The following CHAD variants were observed in gnomAD, a reference collection of about 807,000 sequenced individuals.
CHAD encodes cartilage leucine-rich protein.
CHAD carries 18 observed loss-of-function variants against 24.0 expected under a neutral mutation model. That is an observed-to-expected ratio of 0.75 (90% confidence interval 0.52 to 1.11). The LOEUF (loss-of-function observed/expected upper bound fraction) is 1.11, where lower values mean the gene tolerates loss of function less well. Among genes scored for constraint, CHAD ranks in the 50% most tolerant of loss-of-function variants. The pLI is 0.00. For missense variants in CHAD, 440 were observed against 467.2 expected (o/e 0.94, Z 0.54); for synonymous variants, 195 against 211.6 (o/e 0.92, Z 0.68).
In CHAD at chr17:50,464,732, C is replaced by G. The variant is rs1447191184; in HGVS notation, c.*322G>C. 1 of 377,026 alleles carries G rather than the reference C, an allele frequency of 2.7e-6. No homozygotes were observed. The highest frequency in any genetic ancestry group is 5.2e-6 in the Non-Finnish European group (1 of 190,792). The allele number at this position is 377,026 out of a possible 1,614,324, so 23.4% of individuals were successfully genotyped here. ...GGAAGGATGATCCTGGGAGGGTGGC[C>G]ATCCTGATGACCAACCTGTTGTGGT... On this transcript the variant is annotated 3_prime_UTR_variant, in exon 4 of 4. Transcript: ENST00000508540.
intron 1 of CHAD, among the ~76,000 whole-genome samples, chr17:50,466,288 A>G (rs764185112): frequency 1.3e-5 from 2 of 151,812 alleles, no homozygotes; most frequent in African/African-American, 2.4e-5. Context: ...ACGCAGTTTC[A>G]CCATGTTAGC....
chr17:50,466,014 C>T (rs1226926114), intron 1 of CHAD, 144 bp from the exon 2 acceptor site: 3 of 726,512 alleles, frequency 4.1e-6, no homozygotes, highest in Admixed American at 2.4e-5. Context: ...GCAGTATGAC[C>T]AAGTGATCTC....
chr17:50,466,571 A>G (rs1264132055), intron 1 of CHAD, among the ~76,000 whole-genome samples: 1 of 152,098 alleles, frequency 6.6e-6, no homozygotes, highest in Non-Finnish European at 1.5e-5. Flanking sequence ...AGCAATCCAA[A>G]CTGGTACACG....
Position 50,465,693 on chromosome 17 carries a change from G to C in CHAD, c.938+14C>G, listed in dbSNP as rs567121082. 5 of 1,613,106 alleles carry C rather than the reference G, an allele frequency of 3.1e-6. No individual in the cohort carries two copies. In the South Asian group the frequency reaches 5.5e-5, roughly 18 times the overall value. On this transcript the variant is annotated intron_variant, in intron 2 of 3. Coordinates refer to ENST00000508540, the MANE Select transcript of CHAD (RefSeq NM_001267.3). ...TGAGGGTGGGCTCTGGGAGTGACAT[G>C]GAAGTGTTCTTACCGCCGAAGGCCC...
intron 3 of CHAD, 81 bp downstream of exon 3, chr17:50,465,213 A>C: frequency 6.4e-7 from 1 of 1,550,594 alleles, no homozygotes; most frequent in Non-Finnish European, 8.8e-7. Context: ...CTCCAGGGCC[A>C]GGGGGTATCC....
chr17:50,467,412 CG>C (rs1210754687), intron 1 of CHAD, among the ~76,000 whole-genome samples: 1 of 152,220 alleles, frequency 6.6e-6, no homozygotes, highest in Non-Finnish European at 1.5e-5. Flanking sequence ...CTTGGTCCCA[CG>C]CCTACTGAGC....
intron 1 of CHAD, among the ~76,000 whole-genome samples, chr17:50,467,367 G>A (rs1228745976): frequency 1.3e-5 from 2 of 152,232 alleles, no homozygotes; most frequent in African/African-American, 2.4e-5. Context: ...CCTTCACGGA[G>A]CCCATGGGCA....
Position 50,468,269 on chromosome 17 carries a change from G to GCGTTTTC in CHAD, c.538_544dup (p.Ala182GlyfsTer121). The GCGTTTTC allele has an allele frequency of 6.2e-7, 1 of 1,611,254 alleles. No homozygotes were observed. The highest frequency in any genetic ancestry group is 8.5e-7 in the Non-Finnish European group (1 of 1,177,666). ...GGCCCCGGGCTGCAGGGAGCTCAAC[G>GCGTTTTC]CGTTTTCCGACAGGTAGAGCCAGCG... On this transcript the variant is annotated frameshift_variant, in exon 1 of 4. Coordinates refer to ENST00000508540, the MANE Select transcript of CHAD (RefSeq NM_001267.3). LOFTEE classifies it high-confidence loss of function.
rs370894882 is a variant in CHAD at position 50,465,365 on chromosome 17, C to T, written c.1013G>A (p.Arg338His). 2.7e-5 allele frequency: 43 copies of T among 1,613,904 alleles called. No homozygotes were observed. The highest frequency in any genetic ancestry group is 2.1e-4 in the African/African-American group (16 of 74,872). ...GCAGCTGCGGAAGGCGTCCGTGTCA[C>T]GGATGTGCTGGCCCTTGAACTTGGC... ...SPAKFKGQHI[R>H]DTDAFRSCKF... is the part of the protein sequence containing the mutation. The change falls in exon 3 of 4, where the codon CGT becomes CAT. Residue 338 changes from arginine (R) to histidine (H), a missense_variant. Arg to His is a conservative substitution (Grantham distance 29). Coordinates refer to ENST00000508540, the MANE Select transcript of CHAD (RefSeq NM_001267.3).
At chr17:50,468,016 C>A (rs892013055) in intron 1 of CHAD, 24 bp downstream of exon 1, 7 of 1,553,818 alleles carry the variant, frequency 4.5e-6, no homozygotes, top group African/African-American at 1.4e-5. Flanking sequence ...GGAACCAGGG[C>A]AGAGCCCACA....
chr17:50,464,592 C>T lies in CHAD; in HGVS notation c.*462G>A. On this transcript the variant is annotated 3_prime_UTR_variant, in exon 4 of 4. Transcript: ENST00000508540. ...AAGCACCGATGTCCTGCTAGAACGTCCTGGCAGGTGGGGGCTGGCAGAGTT... is the reference window on the plus strand; with the variant it reads ...AAGCACCGATGTCCTGCTAGAACGTTCTGGCAGGTGGGGGCTGGCAGAGTT... The T allele has an allele frequency of 1.8e-6, 1 of 561,964 alleles. No individual in the cohort carries two copies. Among genetic ancestry groups the T allele is most frequent in the Non-Finnish European group, 3.4e-6 (1 of 296,522 alleles). The allele number at this position is 561,964 out of a possible 1,614,324, so 34.8% of individuals were successfully genotyped here. A position where few individuals can be genotyped will look rare whatever the true frequency, so the allele number is the denominator to read the frequency against.
Position 50,468,634 on chromosome 17 carries a change from G to A in CHAD, c.180C>T (p.Arg60=), listed in dbSNP as rs200403988. 4.5e-4 allele frequency: 734 copies of A among 1,614,230 alleles called. 15 individuals carry two copies. The East Asian group carries it at 0.013, about 28-fold the overall frequency. Reference sequence around the variant, plus strand: ...TGGCAGCCAGCACCGGGAAGTTGTTGCGCTGTAGGTTGAGCAGCTTGGTCT... The same window carrying A: ...TGGCAGCCAGCACCGGGAAGTTGTTACGCTGTAGGTTGAGCAGCTTGGTCT... ...SEKTKLLNLQ[R]NNFPVLAANS... Residue 60 remains arginine, a synonymous_variant, in exon 1 of 4, where the codon CGC becomes CGT. Transcript: ENST00000508540.
chr17:50,466,004 G>A, intron 1 of CHAD, 134 bp from the exon 2 acceptor site: 1 of 869,590 alleles, frequency 1.1e-6, no homozygotes, highest in Non-Finnish European at 1.8e-6. Context: ...AGTTTTCAAA[G>A]CAGTATGACC....
intron 1 of CHAD, 188 bp downstream of exon 1, chr17:50,467,852 C>A: frequency 1.8e-6 from 1 of 571,224 alleles, no homozygotes; most frequent in Non-Finnish European, 3.0e-6. Context: ...TCGAGACTGG[C>A]AGCAGACAGG....
In CHAD at chr17:50,468,580, C is replaced by T. The variant is rs1255867388; in HGVS notation, c.234G>A (p.Val78=). 4.3e-6 allele frequency: 7 copies of T among 1,614,092 alleles called. No homozygotes were observed. In the African/African-American group the frequency reaches 6.7e-5, roughly 15 times the overall value. Residue 78 remains valine (V), a synonymous_variant, in exon 1 of 4, where the codon GTG becomes GTA. Coordinates refer to ENST00000508540, the MANE Select transcript of CHAD (RefSeq NM_001267.3). ...ANSFRAMPNL[V]SLHLQHCQIR... ...TCTGGCAGTGCTGCAGGTGCAATGA[C>T]ACGAGGTTCGGCATGGCCCGGAACG...
intron 1 of CHAD, among the ~76,000 whole-genome samples, chr17:50,467,605 G>A (rs1295571116): frequency 6.6e-6 from 1 of 152,172 alleles, no homozygotes; most frequent in Non-Finnish European, 1.5e-5. Flanking sequence ...CTCTTTGTGG[G>A]CCTGATCTGC....
At chr17:50,466,872 G>A (rs915878521) in intron 1 of CHAD, among the ~76,000 whole-genome samples, 9 of 152,198 alleles carry the variant, frequency 5.9e-5, no homozygotes, top group Admixed American at 3.3e-4. Context: ...CTCTGGCACT[G>A]GTGGGCCACA....
chr17:50,465,152 G>A (rs946836895), intron 3 of CHAD, 103 bp from the exon 4 acceptor site: 11 of 925,016 alleles, frequency 1.2e-5, no homozygotes, highest in Non-Finnish European at 1.8e-5. Flanking sequence ...CTTCAACAGG[G>A]GACCCAGTCG....
In CHAD at chr17:50,465,433, C is replaced by T. The variant is rs546573442; in HGVS notation, c.945G>A (p.Leu315=). ...CATCTGGGCGGGAGGCCTTGGCTTC[C>T]AGCCACCTGGAGAGACAGAAACTTG... ...TCQLRGLRRW[L]EAKASRPDAT... is the part of the protein sequence containing the mutation. The change falls in exon 3 of 4, where the codon CTG becomes CTA. Residue 315 remains leucine, a synonymous_variant. Transcript: ENST00000508540. The T allele has an allele frequency of 6.2e-6, 10 of 1,613,872 alleles. No homozygotes were observed. The Admixed American group carries it at 1.3e-4, about 22-fold the overall frequency.
Sources: gnomAD v4.1 joint callset for allele counts (sites outside exome capture counted in the v4.1 genomes callset) on GRCh38, gnomAD v4.1.1 for gene constraint, MANE v1.5 for transcripts, NCBI Gene and HGNC (gene_info 2026-07-23, HGNC 2026-07-21) for gene names.